RBFOX1: variants seen among roughly 807,000 people sequenced by gnomAD.
The protein encoded by RBFOX1 is RNA binding fox-1 homolog 1, also known as RNA binding protein fox-1 homolog 1.
Under a neutral mutation model 57.7 loss-of-function variants are expected in RBFOX1, and 8 were observed. That is an observed-to-expected ratio of 0.14 (90% CI 0.08 to 0.25). The LOEUF (loss-of-function observed/expected upper bound fraction) is 0.25. Among genes scored for constraint, RBFOX1 ranks in the 10% least tolerant of loss-of-function variants. The probability of loss-of-function intolerance (pLI) is 1.00; values close to 1 mark genes in which losing one functional copy is unlikely to be tolerated. For synonymous variants in RBFOX1, 326 were observed against 222.4 expected (o/e 1.47, Z -4.15); for missense variants, 611 against 548.5 (o/e 1.11, Z -1.14).
At chr16:6,258,819 C>T (rs1455436191) in intron 1 of RBFOX1, among the ~76,000 whole-genome samples, 1 of 152,152 alleles carries the variant, frequency 6.6e-6, no homozygotes, top group East Asian at 1.9e-4. Flanking sequence ...CCCCATTTTA[C>T]ATGACGTGAT....
intron 1 of RBFOX1, chr16:5,289,255 G>A: frequency 2.5e-6 from 1 of 393,216 alleles, no homozygotes; most frequent in Non-Finnish European, 5.0e-6. Flanking sequence ...ACGGGCAGGA[G>A]GTTTCATCAT....
chr16:5,472,487 T>C (rs1037939534), intron 2 of RBFOX1, among the ~76,000 whole-genome samples: 10 of 152,148 alleles, frequency 6.6e-5, no homozygotes, highest in Non-Finnish European at 1.5e-4. Flanking sequence ...AGGATTAAAA[T>C]CTTGGTCAGA....
At chr16:6,228,029 G>A (rs189068965) in intron 1 of RBFOX1, among the ~76,000 whole-genome samples, 4 of 152,266 alleles carry the variant, frequency 2.6e-5, no homozygotes, top group African/African-American at 9.6e-5. Context: ...CCAGGGATAT[G>A]GCCAGGCACG....
chr16:7,007,082 C>G (rs1275094997), intron 3 of RBFOX1, among the ~76,000 whole-genome samples: 1 of 152,158 alleles, frequency 6.6e-6, no homozygotes, highest in Non-Finnish European at 1.5e-5. Context: ...TTTCTCAACG[C>G]TGATGTCAAT....
At chr16:6,673,143 T>A (rs1380457995) in intron 3 of RBFOX1, among the ~76,000 whole-genome samples, 2 of 152,186 alleles carry the variant, frequency 1.3e-5, no homozygotes, top group African/African-American at 4.8e-5. Context: ...TTCCAGGTGA[T>A]CAGTGATGTC....
intron 1 of RBFOX1, among the ~76,000 whole-genome samples, chr16:5,309,261 TCA>T (rs1216166429): frequency 6.6e-6 from 1 of 152,338 alleles, no homozygotes; most frequent in Admixed American, 6.5e-5. Context: ...AAGGTTTTTC[TCA>T]GTCTCTTTTT....
intron 3 of RBFOX1, among the ~76,000 whole-genome samples, chr16:5,748,905 CT>C (rs891898990): frequency 6.6e-6 from 1 of 152,088 alleles, no homozygotes; most frequent in Non-Finnish European, 1.5e-5. Flanking sequence ...GAATTTGTTC[CT>C]GTCATTATGA....
At chr16:7,548,472 T>C (rs949085386) in intron 5 of RBFOX1, among the ~76,000 whole-genome samples, 1 of 152,198 alleles carries the variant, frequency 6.6e-6, no homozygotes, top group African/African-American at 2.4e-5. Flanking sequence ...TAGTTGTTCT[T>C]TAAACATTTA....
intron 1 of RBFOX1, among the ~76,000 whole-genome samples, chr16:5,375,324 G>C (rs1171974848): frequency 6.6e-6 from 1 of 152,150 alleles, no homozygotes; most frequent in African/African-American, 2.4e-5. Flanking sequence ...CTGTTCTAGG[G>C]AGCGGGAGTG....
chr16:6,819,640 G>GGTT (rs1477742085), intron 3 of RBFOX1, among the ~76,000 whole-genome samples: 1 of 145,312 alleles, frequency 6.9e-6, no homozygotes, highest in Non-Finnish European at 1.5e-5. Flanking sequence ...GGGAAGCGGA[G>GGTT]GTTGCAGTGA....
intron 3 of RBFOX1, among the ~76,000 whole-genome samples, chr16:5,691,834 C>A (rs1281001321): frequency 1.3e-5 from 2 of 151,946 alleles, no homozygotes; most frequent in Non-Finnish European, 2.9e-5. Flanking sequence ...TGAGACTGTC[C>A]CACAAATAGG....
At chr16:5,701,596 A>T (rs530018698) in intron 3 of RBFOX1, among the ~76,000 whole-genome samples, 1 of 152,102 alleles carries the variant, frequency 6.6e-6, no homozygotes, top group African/African-American at 2.4e-5. Flanking sequence ...CACCTGGCTA[A>T]TATTTTTTGT....
intron 3 of RBFOX1, among the ~76,000 whole-genome samples, chr16:6,818,777 TG>T: frequency 6.6e-6 from 1 of 152,308 alleles, no homozygotes; most frequent in East Asian, 1.9e-4. Context: ...GATCGAGGCC[TG>T]GCCACTGATG....
chr16:6,998,677 A>C (rs982620920), intron 3 of RBFOX1, among the ~76,000 whole-genome samples: 3 of 152,088 alleles, frequency 2.0e-5, no homozygotes, highest in African/African-American at 7.2e-5. Context: ...CCCTCAGACT[A>C]TTCCAAGAAT....
rs1238472355 is a variant in RBFOX1, at chr16:7,029,216, A to G, written c.-15-22841A>G. Among the ~76,000 whole-genome samples the G allele has an allele frequency of 2.2e-4, 14 of 63,462 alleles. 2 individuals are homozygous for G. Among genetic ancestry groups the G allele is most frequent in the African/African-American group, 7.2e-4 (11 of 15,268 alleles). 41.6% of individuals were successfully genotyped at this position (63,462 alleles called of 152,430 possible). A position where few individuals can be genotyped will look rare whatever the true frequency, so the allele number is the denominator to read the frequency against. On this transcript the variant is annotated intron_variant, in intron 3 of 15. Coordinates refer to ENST00000550418, the MANE Select transcript of RBFOX1 (RefSeq NM_018723.4). ...CACATATGTATACGTATACGTATAT[A>G]TATACACACATATATATACGTATAC...
At chr16:5,570,532 G>A (rs899878581) in intron 2 of RBFOX1, among the ~76,000 whole-genome samples, 2 of 152,120 alleles carry the variant, frequency 1.3e-5, no homozygotes, top group African/African-American at 2.4e-5. Flanking sequence ...ATGCACAAAC[G>A]AATCTTGGGC....
chr16:5,461,385 G>A (rs912893991), intron 1 of RBFOX1, among the ~76,000 whole-genome samples: 3 of 152,168 alleles, frequency 2.0e-5, no homozygotes, highest in Non-Finnish European at 2.9e-5. Context: ...TCTAGACTTG[G>A]AGAGGCGAGG....
intron 4 of RBFOX1, among the ~76,000 whole-genome samples, chr16:7,120,371 G>A (rs751975782): frequency 6.6e-6 from 1 of 151,840 alleles, no homozygotes; most frequent in Non-Finnish European, 1.5e-5. Flanking sequence ...AAATCAAAAA[G>A]CAATCAAACC....
intron 2 of RBFOX1, among the ~76,000 whole-genome samples, chr16:6,430,158 A>G (rs2094038228): frequency 6.6e-6 from 1 of 152,062 alleles, no homozygotes; most frequent in Non-Finnish European, 1.5e-5. Flanking sequence ...TCTTTCCTTT[A>G]TAATAATTAC....
Sources: gnomAD v4.1 joint callset for allele counts (sites outside exome capture counted in the v4.1 genomes callset) on GRCh38, gnomAD v4.1.1 for gene constraint, MANE v1.5 for transcripts, NCBI Gene and HGNC (gene_info 2026-07-23, HGNC 2026-07-21) for gene names.